Variants in ZNF599 observed in about 807,000 individuals in gnomAD.
ZNF599 encodes zinc finger protein 599.
A neutral mutation model predicts 11.7 loss-of-function variants in ZNF599; 10 were observed. The observed-to-expected ratio is 0.86, with a 90% CI of 0.53 to 1.45. ZNF599 has a LOEUF of 1.45. ZNF599 is among the 40% of genes most tolerant of loss of function. The probability of loss-of-function intolerance (pLI) is 0.00; values close to 1 mark genes in which losing one functional copy is unlikely to be tolerated. For synonymous variants in ZNF599, 232 were observed against 253.2 expected (o/e 0.92, Z 0.79); for missense variants, 688 against 713.6 (o/e 0.96, Z 0.41).
At position 34,760,067 on chromosome 19, in the gene ZNF599, T is replaced by C; in HGVS notation, c.734A>G (p.His245Arg). The stretch of plus-strand genomic sequence containing the variant: ...TTTTTCCCCAGTATGAAGCCTCATA[T>C]GTCGAATGACATCAGCCATATAACG... ...ACRYMADVIR[H>R]MRLHTGEKPY... Residue 245 changes from histidine (H) to arginine (R), a missense_variant, in exon 4 of 4, where the codon CAT becomes CGT. His to Arg is a conservative substitution (Grantham distance 29). Coordinates refer to ENST00000329285, the MANE Select transcript of ZNF599 (RefSeq NM_001007248.3). The C allele has an allele frequency of 3.7e-6, 6 of 1,614,164 alleles. No individual in the cohort carries two copies. The highest frequency in any genetic ancestry group is 4.2e-6 in the Non-Finnish European group (5 of 1,180,014).
the ZNF599 span, chr19:34,780,141 A>G: frequency 6.6e-6 from 1 of 152,512 alleles, no homozygotes; most frequent in African/African-American, 2.4e-5. Flanking sequence ...TTCTCCACAT[A>G]CCACATGTGT....
the ZNF599 span, among the ~76,000 whole-genome samples, chr19:34,800,435 C>A: frequency 6.6e-6 from 1 of 152,070 alleles, no homozygotes; most frequent in African/African-American, 2.4e-5. Flanking sequence ...TTTATTCAAT[C>A]TGACAGTTCA....
chr19:34,780,195 G>A, the ZNF599 span, among the ~76,000 whole-genome samples: 1 of 152,126 alleles, frequency 6.6e-6, no homozygotes, highest in Non-Finnish European at 1.5e-5. Context: ...ATCCAGCCAG[G>A]TGCAAAGTGT....
At chr19:34,792,220 G>A in the ZNF599 span, among the ~76,000 whole-genome samples, 1 of 152,320 alleles carries the variant, frequency 6.6e-6, no homozygotes, top group Non-Finnish European at 1.5e-5. Context: ...CCCTGGGAAA[G>A]TGACATTTCA....
At chr19:34,795,576 G>A in the ZNF599 span, among the ~76,000 whole-genome samples, 1 of 152,126 alleles carries the variant, frequency 6.6e-6, no homozygotes, top group Non-Finnish European at 1.5e-5. Context: ...CACTGTGCTT[G>A]GCCTTGGCAG....
upstream of ZNF599, among the ~76,000 whole-genome samples, chr19:34,776,423 T>C (rs1008192322): frequency 6.6e-6 from 1 of 152,244 alleles, no homozygotes; most frequent in African/African-American, 2.4e-5. Context: ...ATAACAACAC[T>C]ATTTATATAC....
the ZNF599 span, among the ~76,000 whole-genome samples, chr19:34,780,779 AGAAG>A: frequency 2.0e-5 from 3 of 150,712 alleles, no homozygotes; most frequent in Non-Finnish European, 4.4e-5. Flanking sequence ...GGAAGGGGAA[AGAAG>A]GAAGGGAGAG....
At chr19:34,802,631 C>G in the ZNF599 span, among the ~76,000 whole-genome samples, 1 of 152,102 alleles carries the variant, frequency 6.6e-6, no homozygotes, top group African/African-American at 2.4e-5. Flanking sequence ...AAATGGCAAG[C>G]TGCTAGTGTC....
the ZNF599 span, among the ~76,000 whole-genome samples, chr19:34,799,839 C>T: frequency 6.6e-6 from 1 of 152,248 alleles, no homozygotes; most frequent in African/African-American, 2.4e-5. Context: ...CTGCTGTTAT[C>T]TACTGAACTG....
intron 3 of ZNF599, among the ~76,000 whole-genome samples, chr19:34,766,319 C>G (rs1291079434): frequency 6.6e-6 from 1 of 151,960 alleles, no homozygotes; most frequent in Non-Finnish European, 1.5e-5. Flanking sequence ...GACAGGAGGG[C>G]CAGAAAACAA....
chr19:34,798,809 A>C, the ZNF599 span, among the ~76,000 whole-genome samples: 2 of 152,212 alleles, frequency 1.3e-5, no homozygotes, highest in African/African-American at 4.8e-5. Context: ...TGCATACATT[A>C]AGGTTCACTC....
chr19:34,806,010 C>T, the ZNF599 span, among the ~76,000 whole-genome samples: 3 of 152,174 alleles, frequency 2.0e-5, no homozygotes, highest in Non-Finnish European at 4.4e-5. Flanking sequence ...CAACCCCAGT[C>T]TCAAGGGCTA....
At chr19:34,778,923 A>G in the ZNF599 span, among the ~76,000 whole-genome samples, 2 of 152,356 alleles carry the variant, frequency 1.3e-5, no homozygotes, top group East Asian at 3.9e-4. Context: ...GCAAAAAAAC[A>G]TACAAAATAA....
chr19:34,792,294 C>T, the ZNF599 span, among the ~76,000 whole-genome samples: 1 of 152,138 alleles, frequency 6.6e-6, no homozygotes, highest in East Asian at 1.9e-4. Context: ...ACAAAAGAAC[C>T]ACCTGGGGAT....
the ZNF599 span, among the ~76,000 whole-genome samples, chr19:34,794,241 G>T: frequency 6.6e-6 from 1 of 152,174 alleles, no homozygotes; most frequent in Non-Finnish European, 1.5e-5. Context: ...GGGAATTATA[G>T]GAGCTACACG....
chr19:34,780,345 A>C, the ZNF599 span, among the ~76,000 whole-genome samples: 4 of 151,936 alleles, frequency 2.6e-5, no homozygotes, highest in East Asian at 1.9e-4. Flanking sequence ...CTGTCTCTAC[A>C]AAAAAATTAA....
chr19:34,784,314 T>A, the ZNF599 span, among the ~76,000 whole-genome samples: 3 of 152,336 alleles, frequency 2.0e-5, no homozygotes, highest in African/African-American at 7.2e-5. Context: ...CCCCTTTTTA[T>A]AAGTATACCA....
rs774192503 is a variant in ZNF599, at chr19:34,760,394, C to T, written c.407G>A (p.Arg136Lys). The T allele has an allele frequency of 4.3e-6, 7 of 1,614,160 alleles. No homozygotes were observed. The highest frequency in any genetic ancestry group is 5.9e-6 in the Non-Finnish European group (7 of 1,180,016). Residue 136 changes from arginine (R) to lysine (K), a missense_variant, in exon 4 of 4, where the codon AGG (arginine) becomes AAG (lysine). Coordinates refer to ENST00000329285, the MANE Select transcript of ZNF599 (RefSeq NM_001007248.3). ...CTCTTTGTGGGGGTTTGTTCCTGGCCTCAAGTTCCCTTCCTGAATTTTTAT... is the reference window on the plus strand; with the variant it reads ...CTCTTTGTGGGGGTTTGTTCCTGGCTTCAAGTTCCCTTCCTGAATTTTTAT... ...KLIKIQEGNL[R>K]PGTNPHKEIC...
At chr19:34,793,546 T>C in the ZNF599 span, among the ~76,000 whole-genome samples, 20 of 152,232 alleles carry the variant, frequency 1.3e-4, no homozygotes, top group Non-Finnish European at 2.2e-4. Context: ...TCAGTTTCCA[T>C]CAAAATACAA....
Sources: allele counts gnomAD v4.1 joint callset (sites outside exome capture counted in the v4.1 genomes callset), GRCh38; gene constraint gnomAD v4.1.1; transcripts MANE v1.5; gene names NCBI Gene and HGNC (gene_info 2026-07-23, HGNC 2026-07-21).